Variants in CLEC16A observed in about 807,000 individuals in gnomAD.
CLEC16A encodes protein CLEC16A.
CLEC16A carries 51 observed loss-of-function variants against 109.5 expected under a neutral mutation model. The observed-to-expected ratio is 0.47, with a 90% CI of 0.37 to 0.59. The LOEUF (loss-of-function observed/expected upper bound fraction) is 0.59. Ranked by LOEUF, CLEC16A falls within the 20% of genes least tolerant of loss-of-function variation. The probability of loss-of-function intolerance (pLI) is 0.00; values close to 1 mark genes in which losing one functional copy is unlikely to be tolerated. For synonymous variants in CLEC16A, 673 were observed against 564.2 expected (o/e 1.19, Z -2.73); for missense variants, 1,339 against 1,394.0 (o/e 0.96, Z 0.63).
intron 19 of CLEC16A, among the ~76,000 whole-genome samples, chr16:11,086,955 G>A (rs2050045506): frequency 1.3e-5 from 2 of 152,196 alleles, no homozygotes; most frequent in African/African-American, 4.8e-5. Context: ...AGCACCACCT[G>A]AGATGTTTGC....
In CLEC16A at chr16:11,020,308, G is replaced by A. The variant is rs564328177; in HGVS notation, c.1419G>A (p.Glu473=). Residue 473 remains glutamate, a synonymous_variant, in exon 12 of 24, where the codon GAG becomes GAA. Coordinates refer to ENST00000409790, the MANE Select transcript of CLEC16A (RefSeq NM_015226.3). ...AAAGCGCCGCCGCCACCTGCTCTGAGAGCACGCAATGGAGCAGGTAGCTGC... is the reference window on the plus strand; with the variant it reads ...AAAGCGCCGCCGCCACCTGCTCTGAAAGCACGCAATGGAGCAGGTAGCTGC... The part of the protein sequence containing the change: ...EEKSAAATCS[E]STQWSRPFLD... 2 of 1,612,012 alleles carry A rather than the reference G, an allele frequency of 1.2e-6. No homozygotes were observed. The highest frequency in any genetic ancestry group is 2.7e-5 in the African/African-American group (2 of 74,996).
intron 19 of CLEC16A, among the ~76,000 whole-genome samples, chr16:11,104,060 G>C (rs1567322425): frequency 1.3e-5 from 2 of 152,184 alleles, no homozygotes; most frequent in Non-Finnish European, 2.9e-5. Flanking sequence ...GGCACCCACA[G>C]ATGCCTTCTC....
chr16:10,947,676 G>T (rs62028149), intron 1 of CLEC16A, among the ~76,000 whole-genome samples: 1 of 152,106 alleles, frequency 6.6e-6, no homozygotes, highest in Non-Finnish European at 1.5e-5. Flanking sequence ...TGCCTGGGCT[G>T]AGGGGTTTCC....
intron 17 of CLEC16A, among the ~76,000 whole-genome samples, chr16:11,050,627 T>C (rs529023305): frequency 8.5e-5 from 13 of 152,330 alleles, no homozygotes; most frequent in Admixed American, 8.5e-4. Context: ...AGGGAGGGGA[T>C]GTCACCCTGT....
chr16:10,991,358 A>G (rs1413297891), intron 10 of CLEC16A, among the ~76,000 whole-genome samples: 1 of 143,098 alleles, frequency 7.0e-6, no homozygotes, highest in Non-Finnish European at 1.5e-5. Flanking sequence ...TGGGAGGCGG[A>G]GCTTGCAGTG....
At chr16:11,075,550 C>G (rs191019213) in intron 19 of CLEC16A, among the ~76,000 whole-genome samples, 53 of 152,038 alleles carry the variant, frequency 3.5e-4, no homozygotes, top group Non-Finnish European at 1.5e-4. Context: ...GCTCCTCCCA[C>G]CTTAGCCTCT....
chr16:10,986,922 C>T (rs2043702784), intron 10 of CLEC16A, among the ~76,000 whole-genome samples: 1 of 151,740 alleles, frequency 6.6e-6, no homozygotes, highest in South Asian at 2.1e-4. Context: ...AGCGTGATCT[C>T]GGCTCACTGC....
chr16:11,075,928 C>T (rs545790085), intron 19 of CLEC16A, among the ~76,000 whole-genome samples: 1 of 152,306 alleles, frequency 6.6e-6, no homozygotes, highest in South Asian at 2.1e-4. Flanking sequence ...AAGAAATGAT[C>T]ACTCTAGTTA....
At chr16:11,009,569 G>A (rs12928294) in intron 11 of CLEC16A, among the ~76,000 whole-genome samples, 1 of 152,174 alleles carries the variant, frequency 6.6e-6, no homozygotes, top group Non-Finnish European at 1.5e-5. Context: ...TCAGCTCCTA[G>A]AGGCGGGAAA....
intron 22 of CLEC16A, among the ~76,000 whole-genome samples, chr16:11,134,618 C>T (rs372030986): frequency 4.6e-5 from 7 of 152,186 alleles, no homozygotes; most frequent in African/African-American, 1.7e-4. Context: ...GGAATATTTG[C>T]ATTATACTTA....
At chr16:10,983,394 G>A (rs889578746) in intron 10 of CLEC16A, among the ~76,000 whole-genome samples, 3 of 152,258 alleles carry the variant, frequency 2.0e-5, no homozygotes, top group Non-Finnish European at 4.4e-5. Flanking sequence ...GCAAATTGGA[G>A]AGTGTATGCC....
chr16:10,963,955 C>A (rs960055273), intron 3 of CLEC16A, among the ~76,000 whole-genome samples: 1 of 152,228 alleles, frequency 6.6e-6, no homozygotes, highest in Non-Finnish European at 1.5e-5. Flanking sequence ...TGGTTTGGTT[C>A]CTAATCCTCC....
chr16:11,100,001 A>C (rs1359789943), intron 19 of CLEC16A, among the ~76,000 whole-genome samples: 1 of 151,914 alleles, frequency 6.6e-6, no homozygotes, highest in Non-Finnish European at 1.5e-5. Context: ...GACTGGGTAC[A>C]CAGGCTCTAC....
At position 10,944,794 on chromosome 16, in the gene CLEC16A, T is replaced by C; in HGVS notation, c.77T>C (p.Leu26Pro). The change falls in exon 1 of 24, where the codon CTC becomes CCC. Residue 26 changes from leucine to proline, a missense_variant. By Grantham distance (98) the Leu-to-Pro change is moderately conservative. Around this residue, in one of 3 missense-constraint regions of CLEC16A, gnomAD observed 117 missense variants for 120.2 expected, o/e 0.97. Transcript: ENST00000409790. The part of the protein sequence containing the change: ...TSRNIHSLDH[L>P]KYLYHVLTKN... ...CGCAACATCCACTCCTTGGACCACC[T>C]CAAGTGAGTGTGGGGGGCGTAGCGG... 1 of 1,606,850 alleles carries C rather than the reference T, an allele frequency of 6.2e-7. No homozygotes were observed. The highest frequency in any genetic ancestry group is 8.5e-7 in the Non-Finnish European group (1 of 1,177,160).
Position 11,126,026 on chromosome 16 carries a change from G to C in CLEC16A, c.2521G>C (p.Gly841Arg). The change falls in exon 22 of 24, where the codon GGA (glycine) becomes CGA (arginine). Residue 841 changes from glycine to arginine, a missense_variant. Around this residue, in one of 3 missense-constraint regions of CLEC16A, gnomAD observed 1,061 missense variants for 1,006.8 expected, o/e 1.05. Transcript: ENST00000409790. Reference protein sequence around the residue: ...IQPTTEVLGFGLGSSTSTQHL... With the variant: ...IQPTTEVLGFRLGSSTSTQHL... ...GCCCACCACTGAAGTCCTGGGGTTT[G>C]GACTCGGCTCCTCCACCTCCACTCA... 1 of 1,613,510 alleles carries C rather than the reference G, an allele frequency of 6.2e-7. No individual in the cohort carries two copies. The highest frequency in any genetic ancestry group is 8.5e-7 in the Non-Finnish European group (1 of 1,179,840).
rs556996673 is a variant in CLEC16A, at chr16:11,130,637, G to A, written c.2641+4491G>A. ...CTGGCCCAGGTTGGCCTCTGATACT[G>A]TGACATGTCACCATTGCCATCAAGG... On this transcript the variant is annotated intron_variant, in intron 22 of 23. Transcript: ENST00000409790. Among the ~76,000 whole-genome samples, 9 of 152,316 alleles carry A rather than the reference G, an allele frequency of 5.9e-5. 1 individual carries two copies. Among genetic ancestry groups the A allele is most frequent in the Admixed American group, 5.2e-4 (8 of 15,308 alleles).
chr16:10,976,232 A>G (rs1337130774), intron 7 of CLEC16A, among the ~76,000 whole-genome samples: 1 of 152,154 alleles, frequency 6.6e-6, no homozygotes, highest in Non-Finnish European at 1.5e-5. Flanking sequence ...CTCATGCCAC[A>G]GCACTCCAGC....
intron 13 of CLEC16A, among the ~76,000 whole-genome samples, chr16:11,037,409 G>C (rs989510923): frequency 6.6e-6 from 1 of 152,196 alleles, no homozygotes; most frequent in South Asian, 2.1e-4. Flanking sequence ...GGCTGGACTT[G>C]GAACCTGGTA....
At chr16:11,121,407 C>G (rs1031543111) in intron 20 of CLEC16A, among the ~76,000 whole-genome samples, 1 of 152,168 alleles carries the variant, frequency 6.6e-6, no homozygotes, top group Non-Finnish European at 1.5e-5. Context: ...CTGGGGTGTA[C>G]TAATTTTAAG....
Sources: gnomAD v4.1 joint callset for allele counts (sites outside exome capture counted in the v4.1 genomes callset) on GRCh38, gnomAD v4.1.1 for gene constraint, gnomAD v4.1.1 regional missense constraint, MANE v1.5 for transcripts, NCBI Gene and HGNC (gene_info 2026-07-23, HGNC 2026-07-21) for gene names.